Variants in PPP1R21 observed in about 807,000 individuals in gnomAD.
PPP1R21 encodes KLRAQ motif containing 1.
In PPP1R21, 85 loss-of-function variants were observed where a neutral mutation model predicts 112.8. The ratio of observed to expected loss-of-function variants is 0.75; its 90% confidence interval spans 0.63 to 0.90. The LOEUF is 0.90. PPP1R21 is among the 40% of genes least tolerant of loss of function. PPP1R21 has a pLI of 0.00. For missense variants in PPP1R21, 1,199 were observed against 901.5 expected (o/e 1.33, Z -4.23); for synonymous variants, 381 against 322.3 (o/e 1.18, Z -1.95).
In PPP1R21 at chr2:48,498,498, A is replaced by G. The variant is rs765879494; in HGVS notation, c.1698A>G (p.Gln566=). 2 of 1,614,088 alleles carry G rather than the reference A, an allele frequency of 1.2e-6. No homozygotes were observed. Among genetic ancestry groups the G allele is most frequent in the East Asian group, 2.2e-5 (1 of 44,888 alleles). ...ESREGLAQQV[Q]QSLEKISKLE... ...ACACTCTGTTACTTTTCAAGGTTCAACAGAGTTTGGAAAAGATTTCTAAAC... is the reference window on the plus strand; with the variant it reads ...ACACTCTGTTACTTTTCAAGGTTCAGCAGAGTTTGGAAAAGATTTCTAAAC... The change falls in exon 17 of 22, where the codon CAA becomes CAG. Residue 566 remains glutamine, a synonymous_variant. Coordinates refer to ENST00000294952, the MANE Select transcript of PPP1R21 (RefSeq NM_001135629.3).
chr2:48,498,422 A>G, intron 16 of PPP1R21, 71 bp from the exon 17 acceptor site: 1 of 1,525,404 alleles, frequency 6.6e-7, no homozygotes, highest in Admixed American at 1.8e-5. Context: ...TACATTCTGT[A>G]AGATAGTTTT....
chr2:48,508,800 A>C lies in PPP1R21; in HGVS notation c.2086-1215A>C, dbSNP rs534299227. On this transcript the variant is annotated intron_variant, in intron 19 of 21. Coordinates refer to ENST00000294952, the MANE Select transcript of PPP1R21 (RefSeq NM_001135629.3). ...GAACTGCCCTAAAATTTTGTGAGAA[A>C]TGAAATAAGTAGCTGAGGAATTTTT... Among the ~76,000 whole-genome samples the C allele has an allele frequency of 3.4e-4, 52 of 152,376 alleles. 1 individual carries two copies. Among genetic ancestry groups the C allele is most frequent in the African/African-American group, 1.3e-3 (52 of 41,598 alleles).
chr2:48,442,779 C>A (rs1667091242), intron 1 of PPP1R21, among the ~76,000 whole-genome samples: 1 of 152,070 alleles, frequency 6.6e-6, no homozygotes, highest in South Asian at 2.1e-4. Context: ...AATGAGCTTT[C>A]ACATGGCAGA....
chr2:48,507,386 G>A lies in PPP1R21; in HGVS notation c.2085+1G>A. 6.2e-7 allele frequency: 1 copy of A among 1,600,176 alleles called. No homozygotes were observed. Among genetic ancestry groups the A allele is most frequent in the Non-Finnish European group, 8.5e-7 (1 of 1,175,630 alleles). The stretch of plus-strand genomic sequence containing the variant: ...TAAGTCAGTGCATTTTTATGCCGAG[G>A]TGAGTGTAGATTTAATTAGATTGGT... On this transcript the variant is annotated splice_donor_variant, in intron 19 of 21. Transcript: ENST00000294952. LOFTEE classifies it high-confidence loss of function.
chr2:48,511,032 G>T (rs553848723), intron 20 of PPP1R21, among the ~76,000 whole-genome samples: 4 of 152,256 alleles, frequency 2.6e-5, no homozygotes, highest in East Asian at 1.9e-4. Context: ...ACAAGTAAAA[G>T]AATTTTTTTA....
intron 15 of PPP1R21, among the ~76,000 whole-genome samples, chr2:48,492,474 A>G (rs1263551479): frequency 6.6e-6 from 1 of 152,196 alleles, no homozygotes; most frequent in African/African-American, 2.4e-5. Context: ...TAGATACGGC[A>G]TAGAATTCTA....
intron 7 of PPP1R21, among the ~76,000 whole-genome samples, chr2:48,463,327 G>A (rs1488412876): frequency 1.3e-5 from 2 of 152,186 alleles, no homozygotes; most frequent in African/African-American, 4.8e-5. Flanking sequence ...GATGGTGCAG[G>A]TCAGTTCTGC....
chr2:48,465,434 A>C, intron 8 of PPP1R21, 59 bp from the exon 9 acceptor site: 6 of 1,478,572 alleles, frequency 4.1e-6, no homozygotes, highest in Non-Finnish European at 5.5e-6. Context: ...GACTCAATAA[A>C]GTTCTTTTAG....
intron 21 of PPP1R21, 48 bp from the exon 22 acceptor site, chr2:48,514,667 T>C (rs1399961513): frequency 1.6e-6 from 2 of 1,251,384 alleles, no homozygotes; most frequent in African/African-American, 3.0e-5. Context: ...ATGTGAGTTA[T>C]TTTTTTTTAT....
At chr2:48,444,865 T>C (rs1481773477) in intron 1 of PPP1R21, among the ~76,000 whole-genome samples, 1 of 151,724 alleles carries the variant, frequency 6.6e-6, no homozygotes, top group East Asian at 1.9e-4. Context: ...AAAGTTCTTT[T>C]TTTTTTTTTT....
intron 6 of PPP1R21, among the ~76,000 whole-genome samples, chr2:48,460,933 A>C (rs554399629): frequency 6.6e-6 from 1 of 152,336 alleles, no homozygotes; most frequent in African/African-American, 2.4e-5. Flanking sequence ...AAACTTCCAC[A>C]TCATTCTCCA....
At chr2:48,459,091 CAAAAAAAAAAAA>C (rs747369228) in intron 4 of PPP1R21, among the ~76,000 whole-genome samples, 55 of 55,258 alleles carry the variant, frequency 1.0e-3, no homozygotes, top group Non-Finnish European at 1.6e-3. Context: ...GACTCTGTCT[CAAAAAAAAAAAA>C]AAAAAAAAAG....
chr2:48,514,073 CTTTTTTTTTTTTTT>C (rs1225415838), intron 21 of PPP1R21, among the ~76,000 whole-genome samples: 6 of 89,900 alleles, frequency 6.7e-5, no homozygotes, highest in South Asian at 4.2e-4. Context: ...GAGACATGTT[CTTTTTTTTTTTTTT>C]TTTTTTTTTG....
chr2:48,474,492 A>G (rs970906344), intron 11 of PPP1R21, among the ~76,000 whole-genome samples, 191 bp from the exon 12 acceptor site: 1 of 152,228 alleles, frequency 6.6e-6, no homozygotes, highest in African/African-American at 2.4e-5. Flanking sequence ...GTCATCTTAT[A>G]TTCCATTGGT....
intron 14 of PPP1R21, among the ~76,000 whole-genome samples, chr2:48,488,152 G>A (rs771108342): frequency 9.2e-5 from 14 of 152,004 alleles, no homozygotes; most frequent in Non-Finnish European, 1.8e-4. Context: ...TATAGCTTGG[G>A]GTCATGATTA....
chr2:48,495,998 A>G (rs1669818580), intron 16 of PPP1R21, among the ~76,000 whole-genome samples: 1 of 152,244 alleles, frequency 6.6e-6, no homozygotes. Context: ...AACTAAAGTA[A>G]TATCAACACA....
At chr2:48,492,301 C>T (rs985109959) in intron 15 of PPP1R21, among the ~76,000 whole-genome samples, 9 of 151,234 alleles carry the variant, frequency 6.0e-5, no homozygotes, top group African/African-American at 1.9e-4. Flanking sequence ...AATTTTTCTT[C>T]CTTCCTTCCT....
At chr2:48,442,287 C>T (rs1384974875) in intron 1 of PPP1R21, among the ~76,000 whole-genome samples, 3 of 152,002 alleles carry the variant, frequency 2.0e-5, no homozygotes, top group Non-Finnish European at 2.9e-5. Context: ...TGATCAACAC[C>T]TGTGAAAAGA....
At chr2:48,453,079 G>A (rs1401881326) in intron 2 of PPP1R21, among the ~76,000 whole-genome samples, 1 of 151,516 alleles carries the variant, frequency 6.6e-6, no homozygotes, top group Non-Finnish European at 1.5e-5. Flanking sequence ...TCAGCCTCCT[G>A]AGTCACTGGG....
Sources: allele counts gnomAD v4.1 joint callset (sites outside exome capture counted in the v4.1 genomes callset), GRCh38; gene constraint gnomAD v4.1.1; transcripts MANE v1.5; gene names NCBI Gene and HGNC (gene_info 2026-07-23, HGNC 2026-07-21).